The following ROBO1 variants were observed in gnomAD, a reference collection of about 807,000 sequenced individuals.
ROBO1 encodes roundabout guidance receptor 1.
In ROBO1, 149 loss-of-function variants were observed where a neutral mutation model predicts 195.9. The ratio of observed to expected loss-of-function variants is 0.76; its 90% CI spans 0.67 to 0.87. ROBO1 has a LOEUF of 0.87. Ranked by LOEUF, ROBO1 falls within the 40% of genes least tolerant of loss-of-function variation. The pLI, the probability that ROBO1 is intolerant of heterozygous loss-of-function variation, is 0.00. For synonymous variants in ROBO1, 816 were observed against 733.2 expected, an observed-to-expected ratio of 1.11 and a Z score of -1.82; for missense variants, 1,933 against 2,068.3, an observed-to-expected ratio of 0.93 and a Z score of 1.27.
At chr3:79,581,933 C>A (rs9836090) in intron 2 of ROBO1, among the ~76,000 whole-genome samples, 76,127 of 151,568 alleles carry the variant, frequency 0.5, 19,263 homozygotes, top group African/African-American at 0.54. Flanking sequence ...TATTATTCTT[C>A]TGAGTGTTAC....
At chr3:79,719,555 G>C (rs1274479773) in intron 1 of ROBO1, among the ~76,000 whole-genome samples, 7 of 152,054 alleles carry the variant, frequency 4.6e-5, no homozygotes, top group Non-Finnish European at 1.0e-4. Context: ...CAATGTTGGT[G>C]GGAAGATGGT....
At chr3:78,809,201 C>A (rs2084648368) in intron 4 of ROBO1, among the ~76,000 whole-genome samples, 1 of 151,630 alleles carries the variant, frequency 6.6e-6, no homozygotes. Flanking sequence ...AGACACTTTT[C>A]AAAAGAAGAT....
At position 79,286,338 on chromosome 3, in the gene ROBO1, A is replaced by C. The variant is rs111476070; in HGVS notation, c.89-160799T>G. Among the ~76,000 whole-genome samples, 12 of 152,328 alleles carry C rather than the reference A, an allele frequency of 7.9e-5. No homozygotes were observed. The East Asian group carries it at 2.3e-3, about 29-fold the overall frequency. ...CATTCTACATTGAAGTTCAAGAAGC[A>C]TATTTGTCCCATATCTCCCAATAAC... is the stretch of plus-strand genomic sequence containing the variant. On this transcript the variant is annotated intron_variant, in intron 2 of 30. Coordinates refer to ENST00000464233, the MANE Select transcript of ROBO1 (RefSeq NM_002941.4).
intron 2 of ROBO1, among the ~76,000 whole-genome samples, chr3:79,183,764 T>C (rs1311459422): frequency 6.6e-6 from 1 of 152,168 alleles, no homozygotes; most frequent in East Asian, 1.9e-4. Flanking sequence ...AGGAGACACA[T>C]AGCCAAACTG....
At chr3:78,699,658 A>G (rs113058294) in intron 8 of ROBO1, among the ~76,000 whole-genome samples, 1,742 of 151,836 alleles carry the variant, frequency 0.011, 13 homozygotes, top group Non-Finnish European at 0.017. Flanking sequence ...AAATCCTTCA[A>G]CATGGTCCTA....
chr3:78,948,114 T>C (rs1392581384), intron 3 of ROBO1, among the ~76,000 whole-genome samples: 1 of 152,118 alleles, frequency 6.6e-6, no homozygotes, highest in African/African-American at 2.4e-5. Flanking sequence ...GCTGGTACCA[T>C]TCCTTCTTAA....
chr3:79,530,357 C>A (rs934431813), intron 2 of ROBO1, among the ~76,000 whole-genome samples: 1 of 151,944 alleles, frequency 6.6e-6, no homozygotes, highest in South Asian at 2.1e-4. Context: ...CTACTGAGTT[C>A]GAGAGAGATT....
At chr3:79,684,941 G>A (rs1471864590) in intron 1 of ROBO1, among the ~76,000 whole-genome samples, 1 of 152,040 alleles carries the variant, frequency 6.6e-6, no homozygotes, top group Non-Finnish European at 1.5e-5. Context: ...CTCCCAAAGT[G>A]CTGGGATTAC....
intron 1 of ROBO1, among the ~76,000 whole-genome samples, chr3:79,702,701 A>G (rs1030538234): frequency 6.6e-6 from 1 of 152,006 alleles, no homozygotes; most frequent in Non-Finnish European, 1.5e-5. Flanking sequence ...CTAGTAAGCA[A>G]CAGAGTCAGA....
chr3:79,018,990 C>T, intron 3 of ROBO1: 3 of 989,526 alleles, frequency 3.0e-6, no homozygotes, highest in East Asian at 1.1e-4. Context: ...GCAGCAGCTC[C>T]GGAGGAAGGG....
chr3:78,975,610 G>A (rs1576498364), intron 3 of ROBO1, among the ~76,000 whole-genome samples: 2 of 152,040 alleles, frequency 1.3e-5, no homozygotes, highest in Non-Finnish European at 2.9e-5. Flanking sequence ...AGGTAGAAAA[G>A]ACTTAGTAGA....
At chr3:78,973,123 T>A (rs141936676) in intron 3 of ROBO1, among the ~76,000 whole-genome samples, 12 of 152,272 alleles carry the variant, frequency 7.9e-5, no homozygotes, top group African/African-American at 2.4e-4. Flanking sequence ...GTTTTTGCTG[T>A]CTTGTTGTTA....
chr3:78,962,360 TTTC>T (rs2041395037), intron 3 of ROBO1, among the ~76,000 whole-genome samples: 1 of 152,158 alleles, frequency 6.6e-6, no homozygotes, highest in African/African-American at 2.4e-5. Flanking sequence ...TAAGTATAAT[TTTC>T]TTTACTTTTT....
At chr3:78,924,947 A>G (rs1054849449) in intron 4 of ROBO1, among the ~76,000 whole-genome samples, 1 of 151,960 alleles carries the variant, frequency 6.6e-6, no homozygotes. Flanking sequence ...ATTTAAAAAT[A>G]AAGTAGCAAT....
chr3:78,891,318 C>T (rs987606070), intron 4 of ROBO1, among the ~76,000 whole-genome samples: 6 of 151,742 alleles, frequency 4.0e-5, no homozygotes, highest in South Asian at 2.1e-4. Context: ...ACAGACATTT[C>T]GCAAAAGATA....
intron 2 of ROBO1, among the ~76,000 whole-genome samples, chr3:79,406,915 T>C (rs1317481117): frequency 7.9e-5 from 12 of 152,062 alleles, no homozygotes; most frequent in Admixed American, 2.6e-4. Flanking sequence ...TTTCTTTTTC[T>C]TTTTCTTTCT....
intron 4 of ROBO1, among the ~76,000 whole-genome samples, chr3:78,855,772 GA>G (rs777729747): frequency 1.8e-4 from 27 of 150,116 alleles, no homozygotes; most frequent in Middle Eastern, 3.5e-3. Flanking sequence ...TCATTAAACA[GA>G]AAAAAAAATT....
chr3:79,424,679 A>C (rs1010975718), intron 2 of ROBO1, among the ~76,000 whole-genome samples: 13 of 152,136 alleles, frequency 8.5e-5, no homozygotes, highest in Non-Finnish European at 1.8e-4. Context: ...CCCCAAGACC[A>C]TAGCCCCTGA....
rs377247785 is a variant in ROBO1, at chr3:78,705,633, C to A, written c.1045+8764G>T. Among the ~76,000 whole-genome samples the A allele has an allele frequency of 2.0e-5, 3 of 152,274 alleles. No individual in the cohort carries two copies. The South Asian group carries it at 6.2e-4, about 32-fold the overall frequency. Reference sequence around the variant, plus strand: ...TCCAGACAATGGGCAACATGTATTTCTGGGAGTGTCTGTGACGGTGTTTCT... The same window carrying A: ...TCCAGACAATGGGCAACATGTATTTATGGGAGTGTCTGTGACGGTGTTTCT... On this transcript the variant is annotated intron_variant, in intron 8 of 30. Transcript: ENST00000464233.
Sources: gnomAD v4.1 joint callset for allele counts (sites outside exome capture counted in the v4.1 genomes callset) on GRCh38, gnomAD v4.1.1 for gene constraint, MANE v1.5 for transcripts, NCBI Gene and HGNC (gene_info 2026-07-23, HGNC 2026-07-21) for gene names.